SLC7A2: variants seen among roughly 807,000 people sequenced by gnomAD.
SLC7A2 encodes the protein cationic amino acid transporter 2.
SLC7A2 carries 48 observed loss-of-function variants against 58.9 expected under a neutral mutation model. The ratio of observed to expected loss-of-function variants is 0.82; its 90% confidence interval spans 0.65 to 1.04. SLC7A2 has a LOEUF of 1.04. Ranked by LOEUF, SLC7A2 falls within the 50% of genes least tolerant of loss-of-function variation. SLC7A2 has a pLI of 0.00. For missense variants in SLC7A2, 1,029 were observed against 818.8 expected (o/e 1.26, Z -3.13); for synonymous variants, 363 against 314.5 (o/e 1.15, Z -1.63).
chr8:17,560,623 C>G, intron 10 of SLC7A2, 90 bp downstream of exon 10: 1 of 1,118,534 alleles, frequency 8.9e-7, no homozygotes, highest in Non-Finnish European at 1.4e-6. Flanking sequence ...GAGGGCCTAA[C>G]ATTGCCCTAG....
rs185556292 is a variant in SLC7A2, at chr8:17,501,464, G to A, written c.-68-793G>A. ...GGCTGGATTTGAATATGTGGGTCAC[G>A]TCTCTTATTTAGACTTTTAGTATTA... On this transcript the variant is annotated intron_variant, in intron 1 of 12. Coordinates refer to ENST00000494857, the MANE Select transcript of SLC7A2 (RefSeq NM_001370338.1). Among the ~76,000 whole-genome samples the A allele has an allele frequency of 4.7e-4, 72 of 152,236 alleles. 1 individual carries two copies. The highest frequency in any genetic ancestry group is 2.9e-4 in the Non-Finnish European group (20 of 68,022).
In SLC7A2 at chr8:17,562,113, ATG is replaced by A; in HGVS notation, c.1671+7_1671+8del. On this transcript the variant is annotated splice_donor_5th_base_variant and intron_variant, in intron 11 of 12. Transcript: ENST00000494857. ...ATCAGCAAAAAGTAGCCTTCATGGT[ATG>A]TGTAATGAGGATTAGAGACCCAAAA... is the stretch of plus-strand genomic sequence containing the variant. The A allele has an allele frequency of 8.3e-6, 13 of 1,566,982 alleles. No homozygotes were observed. Among genetic ancestry groups the A allele is most frequent in the Non-Finnish European group, 1.1e-5 (13 of 1,154,656 alleles).
chr8:17,494,262 T>C (rs1287466465), upstream of SLC7A2, among the ~76,000 whole-genome samples: 10 of 152,224 alleles, frequency 6.6e-5, no homozygotes, highest in Admixed American at 6.5e-4. Context: ...AGTGTGGGAG[T>C]ACAGGGTGTG....
rs1802467422 is a variant in SLC7A2, at chr8:17,551,864, A to G, written c.933A>G (p.Thr311=). The G allele has an allele frequency of 1.9e-6, 3 of 1,613,792 alleles. No individual in the cohort carries two copies. Among genetic ancestry groups the G allele is most frequent in the African/African-American group, 1.3e-5 (1 of 74,928 alleles). Reference sequence around the variant, plus strand: ...ATTTTGGGGTCTCTGCAGCTTTAACACTTATGATGCCGTACTACCTCCTCG... The same window carrying G: ...ATTTTGGGGTCTCTGCAGCTTTAACGCTTATGATGCCGTACTACCTCCTCG... ...MAYFGVSAAL[T]LMMPYYLLDE... is the part of the protein sequence containing the mutation. Residue 311 remains threonine, a synonymous_variant, in exon 7 of 13, where the codon ACA becomes ACG. Coordinates refer to ENST00000494857, the MANE Select transcript of SLC7A2 (RefSeq NM_001370338.1).
upstream of SLC7A2, among the ~76,000 whole-genome samples, chr8:17,496,495 G>T (rs920288598): frequency 3.3e-5 from 5 of 152,134 alleles, no homozygotes; most frequent in Non-Finnish European, 5.9e-5. Context: ...CCCTGATTGT[G>T]TAACTTCTGC....
intron 2 of SLC7A2, among the ~76,000 whole-genome samples, chr8:17,506,173 C>T (rs990264665): frequency 2.0e-5 from 3 of 152,274 alleles, no homozygotes; most frequent in Non-Finnish European, 4.4e-5. Context: ...GCACAGAGCA[C>T]TTTTACATGC....
intron 2 of SLC7A2, among the ~76,000 whole-genome samples, chr8:17,536,939 G>T (rs767355202): frequency 6.6e-6 from 1 of 152,212 alleles, no homozygotes; most frequent in South Asian, 2.1e-4. Flanking sequence ...CGTTAGAAGC[G>T]CAGCAAGGCC....
intron 4 of SLC7A2, among the ~76,000 whole-genome samples, chr8:17,546,092 T>C (rs934011871): frequency 2.0e-5 from 3 of 152,248 alleles, no homozygotes; most frequent in African/African-American, 4.8e-5. Flanking sequence ...ATTTTTGTTT[T>C]GGTTTCTAAG....
At chr8:17,501,742 A>C (rs932731903) in intron 1 of SLC7A2, among the ~76,000 whole-genome samples, 5 of 152,152 alleles carry the variant, frequency 3.3e-5, no homozygotes, top group Non-Finnish European at 1.5e-5. Context: ...ATGAGATAAA[A>C]AAATGAAAGC....
chr8:17,532,231 A>AAAAAAAAAAAAC (rs1801483276), intron 2 of SLC7A2, among the ~76,000 whole-genome samples: 1 of 27,966 alleles, frequency 3.6e-5, no homozygotes, highest in African/African-American at 5.6e-5. Context: ...CTCTATCTCA[A>AAAAAAAAAAAAC]AAAAAAAAAA....
Position 17,558,297 on chromosome 8 carries a change from T to G in SLC7A2, c.1198T>G (p.Leu400Val). 1 of 1,609,252 alleles carries G rather than the reference T, an allele frequency of 6.2e-7. No homozygotes were observed. Among genetic ancestry groups the G allele is most frequent in the Non-Finnish European group, 8.5e-7 (1 of 1,175,962 alleles). ...CCGTTCTTTTCTTCTCCCCCTAGCT[T>G]TGATGGCCTTTCTGTTTGACCTGAA... Reference protein sequence around the residue: ...ATLSSGAVAALMAFLFDLKAL... With the variant: ...ATLSSGAVAAVMAFLFDLKAL... The change falls in exon 9 of 13, where the codon TTG becomes GTG. Residue 400 changes from leucine (L) to valine (V), a missense_variant and splice_region_variant. Coordinates refer to ENST00000494857, the MANE Select transcript of SLC7A2 (RefSeq NM_001370338.1).
intron 1 of SLC7A2, among the ~76,000 whole-genome samples, chr8:17,501,990 C>A (rs1475724760): frequency 6.6e-6 from 1 of 151,820 alleles, no homozygotes; most frequent in Non-Finnish European, 1.5e-5. Flanking sequence ...CTAGTTTTTC[C>A]CACAGTTGTG....
At chr8:17,526,051 C>A (rs1272448508) in intron 2 of SLC7A2, among the ~76,000 whole-genome samples, 1 of 151,926 alleles carries the variant, frequency 6.6e-6, no homozygotes, top group Non-Finnish European at 1.5e-5. Flanking sequence ...TCTAAATACC[C>A]AGAGAAAATA....
At chr8:17,496,774 T>G (rs938865348), upstream of SLC7A2, among the ~76,000 whole-genome samples, 1 of 152,162 alleles carries the variant, frequency 6.6e-6, no homozygotes, top group African/African-American at 2.4e-5. Context: ...CTTAGAAGAT[T>G]CGGAAATGCC....
rs1013728489 is a variant in SLC7A2, at chr8:17,563,780, C to A, written c.1780+69C>A. The A allele has an allele frequency of 6.8e-6, 6 of 887,392 alleles. No individual in the cohort carries two copies. The African/African-American group carries it at 1.0e-4, about 15-fold the overall frequency. The allele number at this position is 887,392 out of a possible 1,614,324, so 55.0% of individuals were successfully genotyped here. On this transcript the variant is annotated intron_variant, in intron 12 of 12. Transcript: ENST00000494857. ...GTGATGAGAGAAACATGCCCTCTCC[C>A]CCATCCTGGGAATAAAGGCTTTTTT...
At chr8:17,520,275 A>G (rs1800961876) in intron 2 of SLC7A2, among the ~76,000 whole-genome samples, 1 of 152,188 alleles carries the variant, frequency 6.6e-6, no homozygotes, top group Non-Finnish European at 1.5e-5. Flanking sequence ...ATAGGGGTTC[A>G]TGAGAATATT....
intron 2 of SLC7A2, among the ~76,000 whole-genome samples, chr8:17,507,563 A>G (rs1800422325): frequency 6.6e-6 from 1 of 152,182 alleles, no homozygotes; most frequent in Non-Finnish European, 1.5e-5. Flanking sequence ...ATGCAAAGAG[A>G]TGAAAAATAT....
chr8:17,561,897 G>A (rs1281272063), intron 10 of SLC7A2, 47 bp from the exon 11 acceptor site: 1 of 1,588,686 alleles, frequency 6.3e-7, no homozygotes, highest in South Asian at 1.1e-5. Context: ...AAGCAATCTG[G>A]GTGGAGCACA....
chr8:17,538,942 C>A (rs566157476), intron 2 of SLC7A2: 2 of 1,603,566 alleles, frequency 1.2e-6, no homozygotes, highest in South Asian at 2.2e-5. Context: ...ATTGTCAGGG[C>A]CTGGGATACT....
Sources: allele counts gnomAD v4.1 joint callset (sites outside exome capture counted in the v4.1 genomes callset), GRCh38; gene constraint gnomAD v4.1.1; transcripts MANE v1.5; gene names NCBI Gene and HGNC (gene_info 2026-07-23, HGNC 2026-07-21).